The following LRP1B variants were observed in gnomAD, a reference collection of about 807,000 sequenced individuals.
LRP1B encodes LDL receptor related protein 1B.
In LRP1B, 217 loss-of-function variants were observed where a neutral mutation model predicts 556.6. The ratio of observed to expected loss-of-function variants is 0.39; its 90% confidence interval spans 0.35 to 0.44. The LOEUF (loss-of-function observed/expected upper bound fraction) is 0.44, where lower values mean the gene tolerates loss of function less well. Among genes scored for constraint, LRP1B ranks in the 20% least tolerant of loss-of-function variants. The pLI, the probability that LRP1B is intolerant of heterozygous loss-of-function variation, is 1.00. For missense variants in LRP1B, 5,053 were observed against 5,620.8 expected (o/e 0.90, Z 3.23); for synonymous variants, 2,047 against 1,865.8 (o/e 1.10, Z -2.50).
intron 31 of LRP1B, among the ~76,000 whole-genome samples, chr2:140,827,074 C>A (rs188648284): frequency 2.0e-5 from 3 of 152,178 alleles, no homozygotes; most frequent in Admixed American, 6.5e-5. Context: ...AATATGCCAT[C>A]TAATGCCCCC....
chr2:142,118,469 G>A (rs1362582985), intron 1 of LRP1B, among the ~76,000 whole-genome samples: 1 of 152,126 alleles, frequency 6.6e-6, no homozygotes, highest in Non-Finnish European at 1.5e-5. Context: ...TTTATGGTCT[G>A]TTCCAACGGG....
At chr2:140,851,863 AC>A in intron 27 of LRP1B, 80 bp from the exon 28 acceptor site, 1 of 1,341,856 alleles carries the variant, frequency 7.5e-7, no homozygotes, top group South Asian at 1.6e-5. Flanking sequence ...GGGGTTATTC[AC>A]CTAATGATTC....
intron 6 of LRP1B, among the ~76,000 whole-genome samples, chr2:141,207,028 T>G (rs1415786305): frequency 6.6e-6 from 1 of 152,206 alleles, no homozygotes; most frequent in Non-Finnish European, 1.5e-5. Context: ...CAGAGTCAAC[T>G]GAAGCAGTAG....
chr2:140,430,530 C>A (rs905473880), intron 66 of LRP1B, among the ~76,000 whole-genome samples: 3 of 152,330 alleles, frequency 2.0e-5, no homozygotes, highest in African/African-American at 7.2e-5. Context: ...GGTGGCTAGA[C>A]AAGCAGCTAG....
intron 1 of LRP1B, among the ~76,000 whole-genome samples, chr2:141,822,130 C>CACACACACACAG (rs374369026): frequency 3.5e-4 from 34 of 95,892 alleles, no homozygotes; most frequent in East Asian, 2.7e-3. Flanking sequence ...CACACACACA[C>CACACACACACAG]AGAGAGAGAG....
At chr2:140,865,702 A>G (rs1692928660) in intron 27 of LRP1B, among the ~76,000 whole-genome samples, 4 of 152,052 alleles carry the variant, frequency 2.6e-5, no homozygotes, top group African/African-American at 9.7e-5. Flanking sequence ...ATATTCTCTA[A>G]ATGTATTTAA....
chr2:141,300,674 C>T (rs1360046244), intron 3 of LRP1B, among the ~76,000 whole-genome samples: 1 of 152,072 alleles, frequency 6.6e-6, no homozygotes, highest in East Asian at 1.9e-4. Context: ...GCAGCATTCC[C>T]CCGCCCCTCT....
chr2:140,884,844 C>T (rs966814884), intron 24 of LRP1B, among the ~76,000 whole-genome samples: 2 of 152,148 alleles, frequency 1.3e-5, no homozygotes, highest in Non-Finnish European at 1.5e-5. Context: ...TCCTGAGTAG[C>T]AAGGACTACA....
rs144190893 is a variant in LRP1B at position 140,492,647 on chromosome 2, T to A, written c.9081A>T (p.Lys3027Asn). ...LILADHHEIR[K>N]ISTDGSNYTL... ...TGTAGTTGGAGCCATCAGTGCTAAT[T>A]TTCCTTATCTCATGATGATCAGCAA... The change falls in exon 57 of 91, where the codon AAA (lysine) becomes AAT (asparagine). Residue 3027 changes from lysine to asparagine, a missense_variant. Around this residue, in one of 5 missense-constraint regions of LRP1B, gnomAD observed 3,619 missense variants for 3,931.9 expected, o/e 0.92. Coordinates refer to ENST00000389484, the MANE Select transcript of LRP1B (RefSeq NM_018557.3). 40 of 1,613,778 alleles carry A rather than the reference T, an allele frequency of 2.5e-5. No homozygotes were observed. In the East Asian group the frequency reaches 8.7e-4, roughly 35 times the overall value.
intron 66 of LRP1B, among the ~76,000 whole-genome samples, chr2:140,397,848 A>T (rs888034580): frequency 6.6e-6 from 1 of 152,156 alleles, no homozygotes; most frequent in Non-Finnish European, 1.5e-5. Context: ...TTCTTTAGGG[A>T]CATTCACCAC....
chr2:141,972,152 T>C (rs1034757384), intron 1 of LRP1B, among the ~76,000 whole-genome samples: 7 of 151,612 alleles, frequency 4.6e-5, no homozygotes, highest in Admixed American at 3.3e-4. Context: ...TACAAATAAT[T>C]ATTGAATAGT....
At chr2:141,837,474 A>G (rs1428238607) in intron 1 of LRP1B, among the ~76,000 whole-genome samples, 1 of 152,038 alleles carries the variant, frequency 6.6e-6, no homozygotes, top group African/African-American at 2.4e-5. Flanking sequence ...AGTTATGATG[A>G]AAAAATCTTC....
intron 43 of LRP1B, among the ~76,000 whole-genome samples, chr2:140,594,519 C>A (rs1056605829): frequency 1.3e-5 from 2 of 152,198 alleles, no homozygotes; most frequent in African/African-American, 4.8e-5. Context: ...GGAAGACCCA[C>A]TTCATCATAC....
intron 7 of LRP1B, among the ~76,000 whole-genome samples, chr2:141,072,530 A>G (rs577579025): frequency 6.6e-5 from 10 of 152,038 alleles, no homozygotes; most frequent in Non-Finnish European, 5.9e-5. Flanking sequence ...TGTCTTCACC[A>G]GAAATTACCT....
rs553899512 is a variant in LRP1B, at chr2:141,557,208, C to T, written c.206-76675G>A. Among the ~76,000 whole-genome samples, 129 of 151,558 alleles carry T rather than the reference C, an allele frequency of 8.5e-4. 2 individuals are homozygous for T. The highest frequency in any genetic ancestry group is 3.0e-3 in the African/African-American group (126 of 41,412). The stretch of plus-strand genomic sequence containing the variant: ...AATGGCTAAAAACAAGCAAAACAAA[C>T]AAAAAAACTCTACCACAAAGACACA... On this transcript the variant is annotated intron_variant, in intron 2 of 90. Transcript: ENST00000389484.
rs1023589295 is a variant in LRP1B at position 140,799,499 on chromosome 2, G to A, written c.5359+14158C>T. On this transcript the variant is annotated intron_variant, in intron 32 of 90. Coordinates refer to ENST00000389484, the MANE Select transcript of LRP1B (RefSeq NM_018557.3). ...TAATCTACCCAGTTTATGGTACTTCGTTAAGGCAGCCCAAGCTGTCTAACA... is the reference window on the plus strand; with the variant it reads ...TAATCTACCCAGTTTATGGTACTTCATTAAGGCAGCCCAAGCTGTCTAACA... Among the ~76,000 whole-genome samples the A allele has an allele frequency of 7.2e-5, 11 of 152,224 alleles. No homozygotes were observed. In the East Asian group the frequency reaches 1.5e-3, roughly 21 times the overall value.
chr2:141,108,796 C>G (rs1470757697), intron 7 of LRP1B, among the ~76,000 whole-genome samples: 1 of 152,156 alleles, frequency 6.6e-6, no homozygotes, highest in African/African-American at 2.4e-5. Context: ...ATTCCATGAC[C>G]TGACAAGATG....
chr2:141,988,822 C>A (rs1702269314), intron 1 of LRP1B, among the ~76,000 whole-genome samples: 1 of 151,952 alleles, frequency 6.6e-6, no homozygotes, highest in Non-Finnish European at 1.5e-5. Flanking sequence ...CAAATGAGCT[C>A]TCTTAAATTC....
chr2:141,022,840 T>C (rs866986098), intron 11 of LRP1B, among the ~76,000 whole-genome samples: 1 of 151,976 alleles, frequency 6.6e-6, no homozygotes, highest in East Asian at 1.9e-4. Flanking sequence ...TCAAGTATTC[T>C]ACATTATAAA....
Sources: allele counts gnomAD v4.1 joint callset (sites outside exome capture counted in the v4.1 genomes callset), GRCh38; gene constraint gnomAD v4.1.1; regional missense constraint gnomAD v4.1.1; transcripts MANE v1.5; gene names NCBI Gene and HGNC (gene_info 2026-07-23, HGNC 2026-07-21).